The following IGFL2 variants were observed in gnomAD, a reference collection of about 807,000 sequenced individuals.
The protein encoded by IGFL2 is IGF like family member 2.
IGFL2 carries 7 observed loss-of-function variants against 13.9 expected under a neutral mutation model. The ratio of observed to expected loss-of-function variants is 0.51; its 90% CI spans 0.29 to 0.95. The LOEUF is 0.95. Among genes scored for constraint, IGFL2 ranks in the 40% least tolerant of loss-of-function variants. The probability of loss-of-function intolerance (pLI) is 0.08; values close to 1 mark genes in which losing one functional copy is unlikely to be tolerated. For synonymous variants in IGFL2, 55 were observed against 55.8 expected (o/e 0.99, Z 0.07); for missense variants, 138 against 147.8 (o/e 0.93, Z 0.34).
chr19:46,109,414 AC>A, the IGFL2 span, among the ~76,000 whole-genome samples: 1 of 151,474 alleles, frequency 6.6e-6, no homozygotes, highest in Non-Finnish European at 1.5e-5. Context: ...TCCCAGGTTG[AC>A]GCCATTCTTC....
chr19:46,199,739 C>G, the IGFL2 span, among the ~76,000 whole-genome samples: 3 of 152,210 alleles, frequency 2.0e-5, no homozygotes, highest in Admixed American at 6.5e-5. Flanking sequence ...CTACCTGCCT[C>G]GAGCCATCCC....
chr19:46,131,626 T>C, the IGFL2 span, among the ~76,000 whole-genome samples: 1 of 152,198 alleles, frequency 6.6e-6, no homozygotes, highest in Non-Finnish European at 1.5e-5. Flanking sequence ...GAAGCGAATA[T>C]GACTGATTTT....
chr19:46,200,526 C>CTTTTCT, the IGFL2 span, among the ~76,000 whole-genome samples: 3 of 138,304 alleles, frequency 2.2e-5, no homozygotes, highest in Admixed American at 7.3e-5. Flanking sequence ...CTTTTCTTTT[C>CTTTTCT]TTTCTTTCGT....
At chr19:46,129,307 T>G in the IGFL2 span, among the ~76,000 whole-genome samples, 1,519 of 137,042 alleles carry the variant, frequency 0.011, 19 homozygotes, top group African/African-American at 0.04. Flanking sequence ...TGTTGATCTT[T>G]TGTGTGTGTG....
At chr19:46,210,975 G>T in the IGFL2 span, among the ~76,000 whole-genome samples, 1 of 152,184 alleles carries the variant, frequency 6.6e-6, no homozygotes, top group African/African-American at 2.4e-5. Context: ...TGCAGGTGGG[G>T]TTCTGGATAC....
the IGFL2 span, chr19:46,124,534 G>A: frequency 2.3e-6 from 3 of 1,311,630 alleles, 1 homozygote; most frequent in African/African-American, 4.5e-5. Flanking sequence ...CTGGAATAAT[G>A]TTAGAGATAA....
chr19:46,172,754 G>A, the IGFL2 span, among the ~76,000 whole-genome samples: 3 of 152,092 alleles, frequency 2.0e-5, no homozygotes, highest in African/African-American at 4.8e-5. Flanking sequence ...GTCTCGCTCT[G>A]TCATGTAGAC....
the IGFL2 span, among the ~76,000 whole-genome samples, chr19:46,114,308 G>A: frequency 2.6e-5 from 4 of 151,542 alleles, no homozygotes; most frequent in African/African-American, 9.7e-5. Flanking sequence ...GGGAACATGC[G>A]AAAAAAAGGG....
At chr19:46,205,263 A>G in the IGFL2 span, among the ~76,000 whole-genome samples, 1 of 152,234 alleles carries the variant, frequency 6.6e-6, no homozygotes, top group Non-Finnish European at 1.5e-5. Context: ...AGCCACAGAC[A>G]TAGAAAGGCA....
chr19:46,171,598 T>G, the IGFL2 span, among the ~76,000 whole-genome samples: 1 of 152,220 alleles, frequency 6.6e-6, no homozygotes, highest in Admixed American at 6.5e-5. Flanking sequence ...TTCTCTTCCT[T>G]GGACTCAGCA....
upstream of IGFL2, among the ~76,000 whole-genome samples, chr19:46,142,733 G>A (rs1282902612): frequency 6.6e-6 from 1 of 152,206 alleles, no homozygotes; most frequent in Admixed American, 6.5e-5. Context: ...TGCTCTGTAT[G>A]TACAGACAAG....
the IGFL2 span, among the ~76,000 whole-genome samples, chr19:46,170,064 G>A: frequency 6.6e-6 from 1 of 151,994 alleles, no homozygotes; most frequent in Non-Finnish European, 1.5e-5. Flanking sequence ...TGGCTAGAAG[G>A]GGGATGCAAG....
At chr19:46,181,934 A>G in the IGFL2 span, among the ~76,000 whole-genome samples, 1 of 152,200 alleles carries the variant, frequency 6.6e-6, no homozygotes, top group Non-Finnish European at 1.5e-5. Context: ...CCAGTCAGAC[A>G]TCATTTTCTT....
At chr19:46,152,128 C>T (rs774044172) in intron 1 of IGFL2, among the ~76,000 whole-genome samples, 6 of 152,058 alleles carry the variant, frequency 3.9e-5, no homozygotes, top group Non-Finnish European at 7.4e-5. Flanking sequence ...CTCTTTGGTA[C>T]GTGGAATTAT....
chr19:46,161,772 T>C (rs190939930), downstream of IGFL2, among the ~76,000 whole-genome samples: 79 of 152,376 alleles, frequency 5.2e-4, no homozygotes, highest in Middle Eastern at 6.8e-3. Flanking sequence ...TTTATCCAGC[T>C]TACTAGTCTG....
the IGFL2 span, among the ~76,000 whole-genome samples, chr19:46,116,295 G>A: frequency 6.6e-6 from 1 of 152,028 alleles, no homozygotes. Context: ...TGTCTTTCTG[G>A]CAGCAACACC....
intron 1 of IGFL2, chr19:46,159,093 A>G (rs1340555270): frequency 2.0e-5 from 3 of 152,186 alleles, no homozygotes; most frequent in Non-Finnish European, 4.4e-5. Flanking sequence ...GGATCCTCAC[A>G]ACAACTCCAT....
At chr19:46,093,821 G>A in the IGFL2 span, among the ~76,000 whole-genome samples, 2 of 151,950 alleles carry the variant, frequency 1.3e-5, no homozygotes, top group Non-Finnish European at 2.9e-5. Flanking sequence ...GAAATTAAAA[G>A]CAATTTAAAA....
chr19:46,202,053 T>C, the IGFL2 span, among the ~76,000 whole-genome samples: 1 of 151,668 alleles, frequency 6.6e-6, no homozygotes, highest in East Asian at 1.9e-4. Flanking sequence ...AGGAGCAGTG[T>C]GGGGAGGAGG....
Sources: allele counts gnomAD v4.1 joint callset (sites outside exome capture counted in the v4.1 genomes callset), GRCh38; gene constraint gnomAD v4.1.1; transcripts MANE v1.5; gene names NCBI Gene and HGNC (gene_info 2026-07-23, HGNC 2026-07-21).